FHIP2B: variants seen among roughly 807,000 people sequenced by gnomAD.
FHIP2B encodes the protein FHF complex subunit HOOK-interacting protein 2B.
In FHIP2B, 72 loss-of-function variants were observed where a neutral mutation model predicts 84.0. The observed-to-expected ratio is 0.86, with a 90% CI of 0.71 to 1.04. The LOEUF (loss-of-function observed/expected upper bound fraction) is 1.04. FHIP2B is among the 50% of genes least tolerant of loss of function. The probability of loss-of-function intolerance (pLI) is 0.00; values close to 1 mark genes in which losing one functional copy is unlikely to be tolerated. For synonymous variants in FHIP2B, 497 were observed against 418.7 expected (o/e 1.19, Z -2.28); for missense variants, 972 against 968.9 (o/e 1.00, Z -0.04).
Position 22,099,060 on chromosome 8 carries a change from A to C in FHIP2B, c.1074+4A>C. Reference sequence around the variant, plus strand: ...CCTCATCACAGAGGCACACACGGTGAGCAGGGGCGGGCGGAGGCCGGGCTC... The same window carrying C: ...CCTCATCACAGAGGCACACACGGTGCGCAGGGGCGGGCGGAGGCCGGGCTC... On this transcript the variant is annotated splice_donor_region_variant and intron_variant, in intron 8 of 16. Transcript: ENST00000289921. 1 of 1,593,682 alleles carries C rather than the reference A, an allele frequency of 6.3e-7. No individual in the cohort carries two copies. The highest frequency in any genetic ancestry group is 8.6e-7 in the Non-Finnish European group (1 of 1,169,302).
intron 1 of FHIP2B, chr8:22,089,688 C>T (rs1825368094): frequency 2.8e-6 from 3 of 1,070,170 alleles, no homozygotes; most frequent in African/African-American, 1.6e-5. Context: ...CTGCCTCCTT[C>T]CTCCGCTCCA....
chr8:22,089,438 C>T, intron 1 of FHIP2B, 140 bp downstream of exon 1: 1 of 304,902 alleles, frequency 3.3e-6, no homozygotes, highest in South Asian at 1.3e-4. Context: ...CCGCGGCGCC[C>T]CTTCCTCTGC....
At chr8:22,089,636 C>T (rs886421429) in intron 1 of FHIP2B, 33 of 477,876 alleles carry the variant, frequency 6.9e-5, no homozygotes, top group African/African-American at 5.5e-4. Context: ...GTGTTTCCTG[C>T]CCCCCGGGGC....
Position 22,099,596 on chromosome 8 carries a change from C to T in FHIP2B, c.1152-108C>T. 5 of 1,338,712 alleles carry T rather than the reference C, an allele frequency of 3.7e-6. 1 individual carries two copies. Among genetic ancestry groups the T allele is most frequent in the Admixed American group, 4.8e-5 (2 of 41,380 alleles). 82.9% of individuals were successfully genotyped at this position (1,338,712 alleles called of 1,614,324 possible). ...ACCTCAGCAGGGATGGGCAAGTGAC[C>T]ACAGACATACCAGCCAAACATGCGA... On this transcript the variant is annotated intron_variant, in intron 9 of 16. Transcript: ENST00000289921.
rs941194293 is a variant in FHIP2B, at chr8:22,100,903, C to T, written c.1547C>T (p.Pro516Leu). 1.2e-6 allele frequency: 2 copies of T among 1,613,806 alleles called. No homozygotes were observed. Among genetic ancestry groups the T allele is most frequent in the African/African-American group, 2.7e-5 (2 of 74,938 alleles). ...DSFLDSGFQT[P>L]AKPRLAPATS... ...TTCCTGGATTCCGGCTTTCAAACTC[C>T]CGCAAAGCCTCGCCTAGCTCCTGCT... Residue 516 changes from proline (P) to leucine (L), a missense_variant, in exon 12 of 17, where the codon CCC becomes CTC. Physicochemically the swap from Pro to Leu is moderately conservative, Grantham distance 98. Transcript: ENST00000289921.
intron 16 of FHIP2B, 72 bp downstream of exon 16, chr8:22,102,700 G>C: frequency 6.3e-7 from 1 of 1,590,598 alleles, no homozygotes; most frequent in Non-Finnish European, 8.6e-7. Flanking sequence ...AGAGGTGGCT[G>C]GCCACAGGGT....
chr8:22,094,217 G>C (rs1295101331), intron 1 of FHIP2B, among the ~76,000 whole-genome samples: 1 of 152,196 alleles, frequency 6.6e-6, no homozygotes, highest in African/African-American at 2.4e-5. Flanking sequence ...ATTTCCAGGA[G>C]GGAGGGGTAT....
At chr8:22,096,577 G>A in intron 3 of FHIP2B, 68 bp downstream of exon 3, 5 of 1,431,524 alleles carry the variant, frequency 3.5e-6, no homozygotes, top group South Asian at 1.5e-5. Flanking sequence ...CCAGGCCGAG[G>A]TGGGAGGCCT....
In FHIP2B at chr8:22,101,471, A is replaced by G; in HGVS notation, c.1648A>G (p.Thr550Ala). ...FLCLVPEEAK[T>A]SAFLEETGYD... ...GTGCCTGGTCCCCGAGGAAGCCAAG[A>G]CCTCTGCCTTCCTGGAGGAGACAGG... The change falls in exon 13 of 17, where the codon ACC (threonine) becomes GCC (alanine). Residue 550 changes from threonine to alanine, a missense_variant. Thr to Ala is a moderately conservative substitution (Grantham distance 58). Coordinates refer to ENST00000289921, the MANE Select transcript of FHIP2B (RefSeq NM_022749.7). 1 of 1,612,224 alleles carries G rather than the reference A, an allele frequency of 6.2e-7. No homozygotes were observed. Among genetic ancestry groups the G allele is most frequent in the Admixed American group, 1.7e-5 (1 of 59,900 alleles).
In FHIP2B at chr8:22,104,831, T is replaced by TAAAAAAAAAAAAAAAAAAAAAAAAAAAA. The variant is rs60525064; in HGVS notation, c.*1918_*1919insAAAAAAAAAAAAAAAAAAAAAAAAAAAA. On this transcript the variant is annotated 3_prime_UTR_variant, in exon 17 of 17. Transcript: ENST00000289921. ...CTGGGCAATAGAGTAAGACCCTGTC[T>TAAAAAAAAAAAAAAAAAAAAAAAAAAAA]AAAAAAAAAAAAAAAAAATTTCACA... 4.0e-5 allele frequency: 5 copies of TAAAAAAAAAAAAAAAAAAAAAAAAAAAA among 126,520 alleles called. No individual in the cohort carries two copies. The highest frequency in any genetic ancestry group is 1.6e-4 in the African/African-American group (5 of 31,938). The allele number at this position is 126,520 out of a possible 1,614,324, so 7.8% of individuals were successfully genotyped here.
rs769554113 is a variant in FHIP2B, at chr8:22,102,812, C to T, written c.2113C>T (p.Leu705Phe). ...PGEQLDHQTL[L>F]QGVVVLEEFC... Reference sequence around the variant, plus strand: ...CCTCAGGCTGGACCACCAGACCCTCCTCCAGGGCGTGGTGGTGCTGGAGGA... The same window carrying T: ...CCTCAGGCTGGACCACCAGACCCTCTTCCAGGGCGTGGTGGTGCTGGAGGA... The change falls in exon 17 of 17, where the codon CTC (leucine) becomes TTC (phenylalanine). Residue 705 changes from leucine (L) to phenylalanine (F), a missense_variant. Leu to Phe is a conservative substitution (Grantham distance 22). Coordinates refer to ENST00000289921, the MANE Select transcript of FHIP2B (RefSeq NM_022749.7). The T allele has an allele frequency of 1.2e-6, 2 of 1,613,482 alleles. No individual in the cohort carries two copies. The highest frequency in any genetic ancestry group is 1.3e-5 in the African/African-American group (1 of 74,934).
Position 22,089,401 on chromosome 8 carries a change from G to T in FHIP2B, c.45+103G>T, listed in dbSNP as rs1389019584. ...GGCCCGCAGGAGGGCGGGCGGGCGC[G>T]GGCCCCCTCGGGCAGGGACCCCCGG... On this transcript the variant is annotated intron_variant, in intron 1 of 16. Coordinates refer to ENST00000289921, the MANE Select transcript of FHIP2B (RefSeq NM_022749.7). The T allele has an allele frequency of 1.1e-5, 7 of 636,312 alleles. No individual in the cohort carries two copies. In the South Asian group the frequency reaches 3.4e-4, roughly 31 times the overall value. The allele number at this position is 636,312 out of a possible 1,614,324, so 39.4% of individuals were successfully genotyped here.
In FHIP2B at chr8:22,100,910, G is replaced by A. The variant is rs1453368477; in HGVS notation, c.1554G>A (p.Lys518=). The A allele has an allele frequency of 1.2e-6, 2 of 1,613,798 alleles. No homozygotes were observed. The highest frequency in any genetic ancestry group is 2.7e-5 in the African/African-American group (2 of 74,928). Residue 518 remains lysine, a synonymous_variant, in exon 12 of 17, where the codon AAG becomes AAA. Transcript: ENST00000289921. Reference sequence around the variant, plus strand: ...ATTCCGGCTTTCAAACTCCCGCAAAGCCTCGCCTAGCTCCTGCTACCAGTT... The same window carrying A: ...ATTCCGGCTTTCAAACTCCCGCAAAACCTCGCCTAGCTCCTGCTACCAGTT... ...FLDSGFQTPA[K]PRLAPATSYD... is the part of the protein sequence containing the mutation.
chr8:22,093,708 C>CTTTTTTTTTTT lies in FHIP2B; in HGVS notation c.46-716_46-706dup, dbSNP rs59841460. The stretch of plus-strand genomic sequence containing the variant: ...ATTGAGAGGAATGGAAAAGCTTTGT[C>CTTTTTTTTTTT]TTTTTTTTTTTTTTTTTTTTTTTTT... On this transcript the variant is annotated intron_variant, in intron 1 of 16. Coordinates refer to ENST00000289921, the MANE Select transcript of FHIP2B (RefSeq NM_022749.7). Among the ~76,000 whole-genome samples the CTTTTTTTTTTT allele has an allele frequency of 3.9e-3, 258 of 66,454 alleles. 70 individuals are homozygous for CTTTTTTTTTTT. Among genetic ancestry groups the CTTTTTTTTTTT allele is most frequent in the Admixed American group, 5.6e-3 (23 of 4,090 alleles). 43.6% of individuals were successfully genotyped at this position (66,454 alleles called of 152,430 possible).
intron 15 of FHIP2B, 25 bp downstream of exon 15, chr8:22,102,340 G>A (rs115648974): frequency 0.012 from 20,063 of 1,609,672 alleles, 151 homozygotes; most frequent in Middle Eastern, 0.016. Flanking sequence ...GCCCAAGGGA[G>A]TGTGCCTAGT....
rs1489511041 is a variant in FHIP2B at position 22,102,624 on chromosome 8, G to A, written c.2089G>A (p.Glu697Lys). 4.5e-6 allele frequency: 7 copies of A among 1,562,764 alleles called. No homozygotes were observed. Among genetic ancestry groups the A allele is most frequent in the South Asian group, 1.2e-5 (1 of 84,988 alleles). ...GCAGTTGACGGGCCAGGCTCCTGGG[G>A]AGCAGTGAGTACCAAGGGTGCCAGG... ...RKQLTGQAPG[E>K]QLDHQTLLQG... The change falls in exon 16 of 17, where the codon GAG becomes AAG. Residue 697 changes from glutamate to lysine, a missense_variant. Transcript: ENST00000289921.
chr8:22,097,735 G>A lies in FHIP2B; in HGVS notation c.421G>A (p.Gly141Arg), dbSNP rs202029717. The change falls in exon 5 of 17, where the codon GGG becomes AGG. Residue 141 changes from glycine to arginine, a missense_variant. By Grantham distance (125) the Gly-to-Arg change is moderately radical (BLOSUM62 -2). Coordinates refer to ENST00000289921, the MANE Select transcript of FHIP2B (RefSeq NM_022749.7). ...CTTCCAGAAACTCCTCCGACTTGGT[G>A]GGACTGCTTCCGGATCCGTTACAGA... ...RPVQKLLRLG[G>R]TASGSVTEKE... 128 of 1,613,216 alleles carry A rather than the reference G, an allele frequency of 7.9e-5. No individual in the cohort carries two copies. In the East Asian group the frequency reaches 2.8e-3, roughly 35 times the overall value.
At chr8:22,093,051 G>A (rs1279429813) in intron 1 of FHIP2B, among the ~76,000 whole-genome samples, 1 of 152,166 alleles carries the variant, frequency 6.6e-6, no homozygotes, top group Non-Finnish European at 1.5e-5. Context: ...TTCATGAGTG[G>A]CTACTCAGTT....
Position 22,099,725 on chromosome 8 carries a change from C to G in FHIP2B, c.1173C>G (p.Thr391=), listed in dbSNP as rs370873458. The part of the protein sequence containing the change: ...LLHVSEQSIL[T]STALLTAMLR... ...GTAGGTCCGAGCAGAGCATCTTGAC[C>G]TCCACCGCCCTCCTCACAGCCATGC... Residue 391 remains threonine (T), a synonymous_variant, in exon 10 of 17, where the codon ACC becomes ACG. Coordinates refer to ENST00000289921, the MANE Select transcript of FHIP2B (RefSeq NM_022749.7). 5.0e-6 allele frequency: 8 copies of G among 1,591,512 alleles called. No homozygotes were observed. Among genetic ancestry groups the G allele is most frequent in the Non-Finnish European group, 5.1e-6 (6 of 1,173,134 alleles).
Sources: gnomAD v4.1 joint callset for allele counts (sites outside exome capture counted in the v4.1 genomes callset) on GRCh38, gnomAD v4.1.1 for gene constraint, MANE v1.5 for transcripts, NCBI Gene and HGNC (gene_info 2026-07-23, HGNC 2026-07-21) for gene names.